WDPCP: variants seen among roughly 807,000 people sequenced by gnomAD.
The protein encoded by WDPCP is WD repeat-containing and planar cell polarity effector protein fritz homolog.
A neutral mutation model predicts 93.1 loss-of-function variants in WDPCP; 71 were observed. The ratio of observed to expected loss-of-function variants is 0.76; its 90% CI spans 0.63 to 0.93. WDPCP has a LOEUF of 0.93. WDPCP is among the 40% of genes least tolerant of loss of function. The pLI, the probability that WDPCP is intolerant of heterozygous loss-of-function variation, is 0.00. For synonymous variants in WDPCP, 315 were observed against 315.0 expected (o/e 1.00, Z 0.00); for missense variants, 844 against 887.4 (o/e 0.95, Z 0.62).
chr2:63,573,901 G>A (rs905474613), intron 1 of WDPCP, among the ~76,000 whole-genome samples: 7 of 152,156 alleles, frequency 4.6e-5, no homozygotes, highest in Non-Finnish European at 1.0e-4. Flanking sequence ...TTTTATGGTA[G>A]AAGCAGTAGG....
intron 13 of WDPCP, among the ~76,000 whole-genome samples, chr2:63,264,523 A>C (rs1024471100): frequency 6.6e-6 from 1 of 152,218 alleles, no homozygotes. Context: ...CAGTTCATCA[A>C]GAAGTTATAA....
chr2:63,181,350 T>C (rs1674225716), intron 14 of WDPCP, among the ~76,000 whole-genome samples: 1 of 152,146 alleles, frequency 6.6e-6, no homozygotes, highest in Non-Finnish European at 1.5e-5. Context: ...AAGCTTTTAA[T>C]TGATCTTGAG....
chr2:63,804,943 G>A (rs563727431), intron 2 of WDPCP, among the ~76,000 whole-genome samples: 4 of 152,024 alleles, frequency 2.6e-5, no homozygotes, highest in Admixed American at 6.5e-5. Flanking sequence ...CAGGATAATC[G>A]CTTGAAACTG....
chr2:63,487,814 C>T (rs1700655668), intron 2 of WDPCP, among the ~76,000 whole-genome samples: 1 of 152,074 alleles, frequency 6.6e-6, no homozygotes, highest in African/African-American at 2.4e-5. Context: ...TCACAGGGTT[C>T]TACCAAAAGG....
At chr2:63,265,007 C>T (rs1681979242) in intron 13 of WDPCP, among the ~76,000 whole-genome samples, 1 of 152,052 alleles carries the variant, frequency 6.6e-6, no homozygotes, top group African/African-American at 2.4e-5. Context: ...TTGTGACAAA[C>T]AAAAATGAAA....
intron 1 of WDPCP, among the ~76,000 whole-genome samples, chr2:63,570,931 AG>A: frequency 6.6e-6 from 1 of 150,382 alleles, no homozygotes; most frequent in African/African-American, 2.5e-5. Flanking sequence ...TTTGAGGTGG[AG>A]TCTCATTCTG....
In WDPCP at chr2:63,774,011, G is replaced by A. The variant is rs1384212022; in HGVS notation, n.308+39611C>T. 3.3e-5 allele frequency among the ~76,000 whole-genome samples: 5 copies of A among 151,938 alleles called. 1 individual carries two copies. In the East Asian group the frequency reaches 9.6e-4, roughly 29 times the overall value. On this transcript the variant is annotated intron_variant and non_coding_transcript_variant, in intron 2 of 4. Transcript: ENST00000467687. ...TATAGTAAGTCACTGTATATTCTAG[G>A]GATTATATAAAATATTTGAAAAGTC...
chr2:63,175,384 A>AT (rs971573489), intron 14 of WDPCP, among the ~76,000 whole-genome samples: 8 of 149,136 alleles, frequency 5.4e-5, no homozygotes, highest in East Asian at 3.9e-4. Flanking sequence ...TGAAAAATAT[A>AT]TTTTTTGTAA....
chr2:63,549,902 G>C (rs898661586), intron 1 of WDPCP, among the ~76,000 whole-genome samples: 1 of 152,108 alleles, frequency 6.6e-6, no homozygotes, highest in Non-Finnish European at 1.5e-5. Context: ...AAGAAAGGGA[G>C]ATGTGAAATT....
chr2:63,771,216 G>A (rs896272674), intron 2 of WDPCP, among the ~76,000 whole-genome samples: 2 of 151,088 alleles, frequency 1.3e-5, no homozygotes, highest in Non-Finnish European at 3.0e-5. Context: ...ATGAAAAGGA[G>A]ATATCACTAT....
chr2:63,829,701 A>G (rs540275179), upstream of WDPCP, among the ~76,000 whole-genome samples: 8 of 152,256 alleles, frequency 5.3e-5, no homozygotes, highest in Non-Finnish European at 7.4e-5. Context: ...CCATTTCCCA[A>G]GTACCATGGG....
At chr2:63,602,277 C>G (rs1021629786) in intron 3 of WDPCP, among the ~76,000 whole-genome samples, 1 of 150,398 alleles carries the variant, frequency 6.6e-6, no homozygotes, top group Non-Finnish European at 1.5e-5. Context: ...GAAGACCAGT[C>G]GAGTCATTGC....
chr2:63,313,388 A>T (rs1517402), intron 12 of WDPCP, 77 bp from the exon 13 acceptor site: 1,027,216 of 1,383,564 alleles, frequency 0.74, 386,038 homozygotes, highest in East Asian at 0.96. Flanking sequence ...TTTAACATAT[A>T]TCTGTGATAC....
At chr2:63,434,124 C>A (rs903030312) in intron 8 of WDPCP, among the ~76,000 whole-genome samples, 188 bp from the exon 9 acceptor site, 2 of 152,094 alleles carry the variant, frequency 1.3e-5, no homozygotes, top group Admixed American at 6.6e-5. Flanking sequence ...GACATATGTT[C>A]AAAATTCTCC....
rs139916488 is a variant in WDPCP, at chr2:63,752,336, T to C, written n.308+61286A>G. On this transcript the variant is annotated intron_variant and non_coding_transcript_variant, in intron 2 of 4. Coordinates refer to the WDPCP transcript ENST00000467687. ...AACAAATACCTTTTTCACAGTTAGG[T>C]GGGCACCTGGTCTTTGAGAACCTTC... The C allele has an allele frequency of 1.1e-4, 90 of 792,844 alleles. No individual in the cohort carries two copies. In the African/African-American group the frequency reaches 1.2e-3, roughly 11 times the overall value. The allele number at this position is 792,844 out of a possible 1,614,324, so 49.1% of individuals were successfully genotyped here.
chr2:63,733,071 C>T (rs1441160837), intron 2 of WDPCP, among the ~76,000 whole-genome samples: 3 of 148,710 alleles, frequency 2.0e-5, no homozygotes, highest in Non-Finnish European at 3.0e-5. Context: ...TGATGAACAA[C>T]TATAAATGGG....
upstream of WDPCP, chr2:63,589,275 A>T (rs911424704): frequency 1.9e-6 from 3 of 1,551,046 alleles, no homozygotes; most frequent in African/African-American, 2.7e-5. Flanking sequence ...CTGGAGAAGT[A>T]GTTGTCCTGG....
At chr2:63,170,108 G>A (rs1050078970) in intron 15 of WDPCP, among the ~76,000 whole-genome samples, 2 of 151,076 alleles carry the variant, frequency 1.3e-5, no homozygotes. Context: ...TGCCCAGGCT[G>A]GTCTTGAGTC....
intron 14 of WDPCP, chr2:63,229,132 G>C (rs975891779): frequency 6.6e-5 from 10 of 152,154 alleles, no homozygotes; most frequent in African/African-American, 2.2e-4. Flanking sequence ...ATTCTAACTG[G>C]TGTGAGACGG....
Sources: allele counts gnomAD v4.1 joint callset (sites outside exome capture counted in the v4.1 genomes callset), GRCh38; gene constraint gnomAD v4.1.1; transcripts MANE v1.5; gene names NCBI Gene and HGNC (gene_info 2026-07-23, HGNC 2026-07-21).